Variants in ZFYVE26 observed in about 807,000 individuals in gnomAD.
The protein encoded by ZFYVE26 is zinc finger FYVE domain-containing protein 26.
In ZFYVE26, 181 loss-of-function variants were observed where a neutral mutation model predicts 276.5. That is an observed-to-expected ratio of 0.65 (90% CI 0.58 to 0.74). The LOEUF (loss-of-function observed/expected upper bound fraction) is 0.74, where lower values mean the gene tolerates loss of function less well. ZFYVE26 is among the 30% of genes least tolerant of loss of function. The probability of loss-of-function intolerance (pLI) is 0.00; values close to 1 mark genes in which losing one functional copy is unlikely to be tolerated. For synonymous variants in ZFYVE26, 1,129 were observed against 1,203.1 expected (o/e 0.94, Z 1.27); for missense variants, 2,821 against 3,097.9 (o/e 0.91, Z 2.12).
At position 67,751,083 on chromosome 14, in the gene ZFYVE26, A is replaced by T; in HGVS notation, c.7385T>A (p.Leu2462Gln). ...KRIPPQELEG[L>Q]IQAIHNDDNK... Reference sequence around the variant, plus strand: ...GTCATCATTGTGTATTGCCTGGATCAGGCCCTCCAGCTCCTGTGCAGAACA... The same window carrying T: ...GTCATCATTGTGTATTGCCTGGATCTGGCCCTCCAGCTCCTGTGCAGAACA... The change falls in exon 41 of 42, where the codon CTG becomes CAG. Residue 2462 changes from leucine to glutamine, a missense_variant. Coordinates refer to ENST00000347230, the MANE Select transcript of ZFYVE26 (RefSeq NM_015346.4). 6.2e-7 allele frequency: 1 copy of T among 1,614,248 alleles called. No individual in the cohort carries two copies. Among genetic ancestry groups the T allele is most frequent in the Non-Finnish European group, 8.5e-7 (1 of 1,180,040 alleles).
rs767323636 is a variant in ZFYVE26 at position 67,753,075 on chromosome 14, G to T, written c.7189-549C>A. On this transcript the variant is annotated intron_variant, in intron 39 of 41. Coordinates refer to ENST00000347230, the MANE Select transcript of ZFYVE26 (RefSeq NM_015346.4). The stretch of plus-strand genomic sequence containing the variant: ...GCTCTGTCCAACACCAAAAACAGAT[G>T]GGAAGAAAAACACCTGACTAATCAT... Among the ~76,000 whole-genome samples the T allele has an allele frequency of 5.1e-4, 77 of 152,144 alleles. 1 individual carries two copies. Among genetic ancestry groups the T allele is most frequent in the Admixed American group, 3.9e-3 (60 of 15,264 alleles).
Position 67,798,636 on chromosome 14 carries a change from TA to T in ZFYVE26, c.1640-15del. Reference sequence around the variant, plus strand: ...GATTTGCAGCACCTACAAAAACATGTACAAGAGAAGAGGCCAGAGAAAGAGA... The same window carrying T: ...GATTTGCAGCACCTACAAAAACATGTCAAGAGAAGAGGCCAGAGAAAGAGA... On this transcript the variant is annotated splice_polypyrimidine_tract_variant and intron_variant, in intron 10 of 41. Coordinates refer to ENST00000347230, the MANE Select transcript of ZFYVE26 (RefSeq NM_015346.4). The T allele has an allele frequency of 6.2e-7, 1 of 1,613,514 alleles. No homozygotes were observed.
Position 67,775,072 on chromosome 14 carries a change from T to A in ZFYVE26, c.5264A>T (p.Asp1755Val), listed in dbSNP as rs1216932714. ...TGGTGATCTAGGGAGGGTCTCGGGA[T>A]CTGCAGCCTGGTGGACAATTTCTTG... is the stretch of plus-strand genomic sequence containing the variant. ...HLQEIVHQAA[D>V]PETLPRSPSA... is the part of the protein sequence containing the mutation. The change falls in exon 27 of 42, where the codon GAT becomes GTT. Residue 1755 changes from aspartate (D) to valine (V), a missense_variant. Transcript: ENST00000347230. The A allele has an allele frequency of 1.2e-6, 2 of 1,612,866 alleles. No homozygotes were observed. The highest frequency in any genetic ancestry group is 2.2e-5 in the South Asian group (2 of 90,556).
At chr14:67,771,024 G>C (rs1331047527) in intron 28 of ZFYVE26, among the ~76,000 whole-genome samples, 1 of 151,888 alleles carries the variant, frequency 6.6e-6, no homozygotes, top group African/African-American at 2.4e-5. Context: ...TTGTTACATA[G>C]GTAAACTCGT....
At chr14:67,797,852 C>T in intron 11 of ZFYVE26, 97 bp from the exon 12 acceptor site, 1 of 1,577,718 alleles carries the variant, frequency 6.3e-7, no homozygotes, top group Non-Finnish European at 8.7e-7. Flanking sequence ...GCACTGGGCT[C>T]TGAGACATGG....
intron 12 of ZFYVE26, chr14:67,797,418 A>G (rs1486205662): frequency 3.8e-6 from 2 of 530,544 alleles, no homozygotes; most frequent in African/African-American, 3.8e-5. Context: ...TAAATGAAAA[A>G]AGCAAGCTGC....
chr14:67,810,874 G>C (rs1349968002), intron 3 of ZFYVE26, among the ~76,000 whole-genome samples: 1 of 152,014 alleles, frequency 6.6e-6, no homozygotes, highest in Non-Finnish European at 1.5e-5. Context: ...GTGTGTGTGA[G>C]AGTGTGTGTG....
intron 3 of ZFYVE26, among the ~76,000 whole-genome samples, chr14:67,809,615 G>A (rs992337981): frequency 2.0e-4 from 31 of 151,482 alleles, no homozygotes; most frequent in African/African-American, 7.5e-4. Context: ...TAGAGACAGG[G>A]TGTCACCATT....
At chr14:67,781,026 C>T in intron 22 of ZFYVE26, among the ~76,000 whole-genome samples, 1 of 152,112 alleles carries the variant, frequency 6.6e-6, no homozygotes, top group East Asian at 1.9e-4. Flanking sequence ...ACACAATATA[C>T]AAAAATATAC....
intron 12 of ZFYVE26, among the ~76,000 whole-genome samples, chr14:67,794,632 G>A (rs1288538717): frequency 1.3e-5 from 2 of 152,146 alleles, no homozygotes; most frequent in African/African-American, 4.8e-5. Flanking sequence ...CATAGAAAAA[G>A]GTATCTTCAT....
chr14:67,806,610 C>G lies in ZFYVE26; in HGVS notation c.952G>C (p.Glu318Gln). The change falls in exon 6 of 42, where the codon GAG becomes CAG. Residue 318 changes from glutamate to glutamine, a missense_variant. Coordinates refer to ENST00000347230, the MANE Select transcript of ZFYVE26 (RefSeq NM_015346.4). ...LALFSNPNPA[E>Q]AWKVAYFYCL... The stretch of plus-strand genomic sequence containing the variant: ...TAGAAATAGGCCACTTTCCAAGCCT[C>G]GGCTGGGTTGGGATTGGAGAACAGG... The G allele has an allele frequency of 6.2e-7, 1 of 1,614,166 alleles. No individual in the cohort carries two copies. The highest frequency in any genetic ancestry group is 8.5e-7 in the Non-Finnish European group (1 of 1,180,000).
At chr14:67,730,683 A>G (rs1223931629) in intron 13 of ZFYVE26, among the ~76,000 whole-genome samples, 2 of 152,114 alleles carry the variant, frequency 1.3e-5, no homozygotes, top group Non-Finnish European at 2.9e-5. Context: ...GGCTCACTGC[A>G]ACTTCAGCCT....
At chr14:67,742,798 C>CT (rs1402104178), downstream of ZFYVE26, among the ~76,000 whole-genome samples, 4,163 of 140,388 alleles carry the variant, frequency 0.03, 263 homozygotes, top group African/African-American at 0.12. Context: ...TCCTTCCTTC[C>CT]TTCTTCCCTT....
At chr14:67,736,549 AT>A (rs1324923463) in intron 13 of ZFYVE26, among the ~76,000 whole-genome samples, 2 of 152,240 alleles carry the variant, frequency 1.3e-5, no homozygotes, top group African/African-American at 2.4e-5. Context: ...TTAGAAAAAA[AT>A]ATAGAAGAAT....
At chr14:67,777,092 C>A (rs1363499441) in intron 25 of ZFYVE26, among the ~76,000 whole-genome samples, 2 of 152,236 alleles carry the variant, frequency 1.3e-5, no homozygotes, top group Admixed American at 1.3e-4. Context: ...GTTTATCAAG[C>A]AGTCGTTTTA....
chr14:67,786,575 C>T (rs1305431789), intron 16 of ZFYVE26, among the ~76,000 whole-genome samples: 1 of 152,198 alleles, frequency 6.6e-6, no homozygotes, highest in Non-Finnish European at 1.5e-5. Context: ...TCTTTAATTG[C>T]TTTAAGTGGT....
chr14:67,772,742 C>G (rs929916163), intron 27 of ZFYVE26, among the ~76,000 whole-genome samples: 1 of 152,138 alleles, frequency 6.6e-6, no homozygotes, highest in Non-Finnish European at 1.5e-5. Flanking sequence ...CAAAACCAGC[C>G]TGGGCAACTA....
intron 19 of ZFYVE26, 136 bp downstream of exon 19, chr14:67,784,923 G>C (rs1207987266): frequency 1.1e-6 from 1 of 925,054 alleles, no homozygotes; most frequent in African/African-American, 1.6e-5. Flanking sequence ...AGATGAATAA[G>C]AGAGGACAAC....
At chr14:67,729,416 T>C (rs1245874355) in exon 14 of ZFYVE26, 21 of 1,582,424 alleles carry the variant, frequency 1.3e-5, no homozygotes, top group Non-Finnish European at 1.8e-5. Context: ...CCACCACCTG[T>C]GTGCATGGGA....
Sources: allele counts gnomAD v4.1 joint callset (sites outside exome capture counted in the v4.1 genomes callset), GRCh38; gene constraint gnomAD v4.1.1; transcripts MANE v1.5; gene names NCBI Gene and HGNC (gene_info 2026-07-23, HGNC 2026-07-21).